Variants in COL4A5 observed in about 807,000 individuals in gnomAD.
COL4A5 encodes the protein collagen type IV alpha 5 chain.
COL4A5 carries 26 observed loss-of-function variants against 130.2 expected under a neutral mutation model. The ratio of observed to expected loss-of-function variants is 0.20; its 90% CI spans 0.15 to 0.28. COL4A5 has a LOEUF of 0.28. COL4A5 is among the 10% of genes least tolerant of loss of function. The pLI is 1.00. For synonymous variants in COL4A5, 496 were observed against 439.6 expected (o/e 1.13, Z -1.60); for missense variants, 1,131 against 1,344.3 (o/e 0.84, Z 2.48).
At chrX:108,519,997 CT>C (rs766348009) in intron 1 of COL4A5, among the ~76,000 whole-genome samples, 1 of 110,869 alleles carries the variant, frequency 9.0e-6, no homozygotes, top group South Asian at 3.7e-4. Context: ...ATTTTTGTTT[CT>C]TTTTTTTAAA....
chrX:108,553,932 G>GA (rs1364741315), intron 2 of COL4A5, among the ~76,000 whole-genome samples: 6 of 111,878 alleles, frequency 5.4e-5, no homozygotes, highest in African/African-American at 2.0e-4. Context: ...TAACAAGTTT[G>GA]AATCTCTAAG....
At chrX:108,659,506 TGA>T (rs1488831224) in intron 37 of COL4A5, among the ~76,000 whole-genome samples, 3 of 111,177 alleles carry the variant, frequency 2.7e-5, no homozygotes, top group Admixed American at 1.9e-4. Flanking sequence ...ATTTCCATTA[TGA>T]TTGTAGAGTT....
At chrX:108,447,060 A>G (rs1004919152) in intron 1 of COL4A5, among the ~76,000 whole-genome samples, 2 of 110,886 alleles carry the variant, frequency 1.8e-5, no homozygotes, top group Admixed American at 1.9e-4. Flanking sequence ...ATTCATTGAC[A>G]TTCTCCCTCC....
intron 36 of COL4A5, among the ~76,000 whole-genome samples, chrX:108,647,657 G>A (rs776983871): frequency 9.1e-4 from 101 of 111,517 alleles, no homozygotes; most frequent in Non-Finnish European, 1.8e-3. Flanking sequence ...CCTGTCTTGT[G>A]CCAGTTTTCA....
chrX:108,509,055 G>A (rs1161417968), intron 1 of COL4A5, among the ~76,000 whole-genome samples: 1 of 112,193 alleles, frequency 8.9e-6, no homozygotes, highest in Non-Finnish European at 1.9e-5. Flanking sequence ...GCAAAAATTG[G>A]CAATGCGATC....
chrX:108,462,396 G>A (rs1483366493), intron 1 of COL4A5: 1 of 111,326 alleles, frequency 9.0e-6, no homozygotes, highest in African/African-American at 3.3e-5. Context: ...ACAGTCATAG[G>A]GTTATTTTAT....
In COL4A5 at chrX:108,520,174, A is replaced by C. The variant is rs746157345; in HGVS notation, c.82-19572A>C. Among the ~76,000 whole-genome samples, 142 of 111,329 alleles carry C rather than the reference A, an allele frequency of 1.3e-3. 1 individual carries two copies. Among genetic ancestry groups the C allele is most frequent in the Non-Finnish European group, 1.7e-3 (89 of 52,730 alleles). ...TTGATATAATGGTTATGCTAGGTTT[A>C]TCTCTCCTCTTCTGTTTTCTGGAAG... On this transcript the variant is annotated intron_variant, in intron 1 of 52. Transcript: ENST00000328300.
At chrX:108,607,724 C>T (rs908523931) in intron 29 of COL4A5, among the ~76,000 whole-genome samples, 9 of 110,932 alleles carry the variant, frequency 8.1e-5, no homozygotes, top group South Asian at 3.9e-4. Context: ...CTTCGTGATC[C>T]GCCCGCCTCG....
chrX:108,517,474 T>A (rs1208737058), intron 1 of COL4A5, among the ~76,000 whole-genome samples: 1 of 111,984 alleles, frequency 8.9e-6, no homozygotes, highest in Non-Finnish European at 1.9e-5. Context: ...ATTTTCTTTA[T>A]CAAGGACGTA....
intron 1 of COL4A5, among the ~76,000 whole-genome samples, chrX:108,493,840 A>G: frequency 9.2e-6 from 1 of 108,779 alleles, no homozygotes; most frequent in Middle Eastern, 4.8e-3. Context: ...AGCTAATGGT[A>G]TCTTTTAAAT....
At chrX:108,582,663 C>T in intron 16 of COL4A5, 2 of 396,387 alleles carry the variant, frequency 5.0e-6, no homozygotes, top group East Asian at 8.5e-5. Flanking sequence ...AGTTAAAATG[C>T]CACAAAGCTC....
intron 30 of COL4A5, among the ~76,000 whole-genome samples, chrX:108,617,908 T>C (rs952845243): frequency 8.9e-5 from 10 of 112,128 alleles, no homozygotes; most frequent in Non-Finnish European, 1.9e-5. Context: ...GAATTGTTTA[T>C]GAATTATTCA....
Position 108,692,852 on chromosome X carries a change from C to T in COL4A5, c.4633C>T (p.Leu1545Phe). Residue 1545 changes from leucine (L) to phenylalanine (F), a missense_variant, in exon 50 of 53, where the codon CTC becomes TTC. Leu to Phe is a conservative substitution (Grantham distance 22, BLOSUM62 0). Transcript: ENST00000328300. ...FASRNDYSYW[L>F]STPEPMPMSM... ...TTCAAGAAATGACTATTCTTACTGG[C>T]TCTCTACCCCAGAGCCCATGCCAAT... 8.3e-7 allele frequency: 1 copy of T among 1,211,266 alleles called. No homozygotes were observed. The highest frequency in any genetic ancestry group is 1.8e-5 in the South Asian group (1 of 56,970).
At position 108,526,595 on chromosome X, in the gene COL4A5, CCTTTCTTTCTTT is replaced by C. The variant is rs1166494631; in HGVS notation, c.82-13095_82-13084del. ...TTCCTCCCTCCCTCCCTCCCTCCCT[CCTTTCTTTCTTT>C]CTTTCTTTCTTTCTTTCTTTCTTTC... On this transcript the variant is annotated intron_variant, in intron 1 of 52. Transcript: ENST00000328300. Among the ~76,000 whole-genome samples the C allele has an allele frequency of 8.1e-3, 269 of 33,225 alleles. 4 individuals carry two copies. Among genetic ancestry groups the C allele is most frequent in the East Asian group, 0.013 (11 of 818 alleles). 28.9% of individuals were successfully genotyped at this position (33,225 alleles called of 115,157 possible). A position where few individuals can be genotyped will look rare whatever the true frequency, so the allele number is the denominator to read the frequency against.
chrX:108,596,483 G>T (rs182245509), intron 22 of COL4A5, among the ~76,000 whole-genome samples: 2 of 111,948 alleles, frequency 1.8e-5, no homozygotes, highest in East Asian at 5.6e-4. Flanking sequence ...CTCATCCAGG[G>T]ATCCATTTGG....
At chrX:108,450,959 G>A (rs1196259603) in intron 1 of COL4A5, among the ~76,000 whole-genome samples, 2 of 107,878 alleles carry the variant, frequency 1.9e-5, no homozygotes, top group South Asian at 8.3e-4. Context: ...TCATCATTTA[G>A]CATTAGGTAT....
At chrX:108,612,867 A>C (rs1196503894) in intron 29 of COL4A5, among the ~76,000 whole-genome samples, 1 of 112,177 alleles carries the variant, frequency 8.9e-6, no homozygotes, top group Non-Finnish European at 1.9e-5. Context: ...TTAAGACTTA[A>C]AATAAAGCTA....
At chrX:108,580,871 A>G in intron 15 of COL4A5, 112 bp from the exon 16 acceptor site, 1 of 972,920 alleles carries the variant, frequency 1.0e-6, no homozygotes, top group Non-Finnish European at 1.5e-6. Flanking sequence ...ATGTCTAAAA[A>G]GTCTACTTAA....
chrX:108,646,308 AT>A lies in COL4A5; in HGVS notation c.3247-9020del, dbSNP rs1376887988. Among the ~76,000 whole-genome samples, 9 of 111,587 alleles carry A rather than the reference AT, an allele frequency of 8.1e-5. No individual in the cohort carries two copies. The Admixed American group carries it at 8.5e-4, about 11-fold the overall frequency. The stretch of plus-strand genomic sequence containing the variant: ...GAGATGGTATCTCATTGTGGTTTTG[AT>A]TTGCATTTCTCTGATGGCCAGTGAG... On this transcript the variant is annotated intron_variant, in intron 36 of 52. Coordinates refer to ENST00000328300, the MANE Select transcript of COL4A5 (RefSeq NM_033380.3).
Sources: gnomAD v4.1 joint callset for allele counts (sites outside exome capture counted in the v4.1 genomes callset) on GRCh38, gnomAD v4.1.1 for gene constraint, MANE v1.5 for transcripts, NCBI Gene and HGNC (gene_info 2026-07-23, HGNC 2026-07-21) for gene names.